KCNQ1: variants seen among roughly 807,000 people sequenced by gnomAD.
The protein encoded by KCNQ1 is potassium voltage-gated channel subfamily Q member 1, also known as potassium voltage-gated channel subfamily KQT member 1.
Under a neutral mutation model 72.4 loss-of-function variants are expected in KCNQ1, and 49 were observed. That is an observed-to-expected ratio of 0.68 (90% CI 0.54 to 0.86). The LOEUF is 0.86. Ranked by LOEUF, KCNQ1 falls within the 40% of genes least tolerant of loss-of-function variation. The pLI, the probability that KCNQ1 is intolerant of heterozygous loss-of-function variation, is 0.00. For missense variants in KCNQ1, 790 were observed against 945.1 expected (o/e 0.84, Z 2.15); for synonymous variants, 450 against 412.6 (o/e 1.09, Z -1.10).
At chr11:2,791,965 C>CA (rs1197006024) in intron 15 of KCNQ1, among the ~76,000 whole-genome samples, 1 of 152,226 alleles carries the variant, frequency 6.6e-6, no homozygotes, top group African/African-American at 2.4e-5. Flanking sequence ...GCCCGGGTTC[C>CA]GAGTGCTCCA....
In KCNQ1 at chr11:2,678,286, A is replaced by T. The variant is rs771142678; in HGVS notation, c.1514+16205A>T. ...TCTCATCCTGAAATTGTTTTAATAAATTCTTCCATGTTTTCTTCTATCATT... is the reference window on the plus strand; with the variant it reads ...TCTCATCCTGAAATTGTTTTAATAATTTCTTCCATGTTTTCTTCTATCATT... On this transcript the variant is annotated intron_variant, in intron 11 of 15. Coordinates refer to ENST00000155840, the MANE Select transcript of KCNQ1 (RefSeq NM_000218.3). The surrounding 1 kb of genome is among the most constrained non-coding windows in gnomAD (Gnocchi z 4.9). 3.8e-5 allele frequency: 15 copies of T among 398,248 alleles called. No homozygotes were observed. The highest frequency in any genetic ancestry group is 6.6e-5 in the Non-Finnish European group (15 of 225,988). 24.7% of individuals were successfully genotyped at this position (398,248 alleles called of 1,614,324 possible). A position where few individuals can be genotyped will look rare whatever the true frequency, so the allele number is the denominator to read the frequency against.
intron 10 of KCNQ1, chr11:2,629,383 T>A (rs1332771385): frequency 2.5e-6 from 1 of 398,432 alleles, no homozygotes; most frequent in African/African-American, 2.1e-5. Flanking sequence ...TTTCATATTA[T>A]ATCCAAATGA....
At chr11:2,666,027 A>G (rs1850060442) in intron 11 of KCNQ1, 3 of 398,518 alleles carry the variant, frequency 7.5e-6, no homozygotes, top group Non-Finnish European at 1.3e-5. Context: ...TTGGTTGCAC[A>G]TGGATACCTG....
rs1289259199 is a variant in KCNQ1 at position 2,725,782 on chromosome 11, C to T, written c.1515-43062C>T. 2.0e-5 allele frequency among the ~76,000 whole-genome samples: 3 copies of T among 147,228 alleles called. No homozygotes were observed. The highest frequency in any genetic ancestry group is 4.5e-5 in the Non-Finnish European group (3 of 66,092). On this transcript the variant is annotated intron_variant, in intron 11 of 15. Transcript: ENST00000155840. This position sits in a 1 kb window ranked among gnomAD's most constrained non-coding sequence, Gnocchi z 7.2. Reference sequence around the variant, plus strand: ...TGAAAGCTATCTCCCCCAGGCCCCACCCCCGCCCCCACCCAAAGCACAGGT... The same window carrying T: ...TGAAAGCTATCTCCCCCAGGCCCCATCCCCGCCCCCACCCAAAGCACAGGT...
At chr11:2,729,153 C>A (rs1277675417) in intron 11 of KCNQ1, among the ~76,000 whole-genome samples, 1 of 152,248 alleles carries the variant, frequency 6.6e-6, no homozygotes, top group Non-Finnish European at 1.5e-5. Context: ...AGGGTCCAGA[C>A]CTGTTGCCGA....
intron 10 of KCNQ1, among the ~76,000 whole-genome samples, chr11:2,590,301 A>T (rs1848653996): frequency 6.6e-6 from 1 of 152,232 alleles, no homozygotes; most frequent in African/African-American, 2.4e-5. Flanking sequence ...TGAGGCAGAC[A>T]TAGTAGTGAC....
chr11:2,448,346 C>T (rs1379375582), intron 1 of KCNQ1, among the ~76,000 whole-genome samples: 1 of 152,260 alleles, frequency 6.6e-6, no homozygotes, highest in African/African-American at 2.4e-5. Context: ...TCCCTGTTTC[C>T]CAAGAACTTT....
At chr11:2,587,396 G>A (rs1175080782) in intron 8 of KCNQ1, among the ~76,000 whole-genome samples, 174 bp from the exon 9 acceptor site, 2 of 152,196 alleles carry the variant, frequency 1.3e-5, no homozygotes, top group Non-Finnish European at 2.9e-5. Context: ...GGCTGCCTGG[G>A]CAGAGGGTCT....
Position 2,659,126 on chromosome 11 carries a change from T to A in KCNQ1, c.1394-2835T>A, listed in dbSNP as rs891085632. 5.0e-6 allele frequency: 2 copies of A among 398,644 alleles called. No individual in the cohort carries two copies. Among genetic ancestry groups the A allele is most frequent in the Admixed American group, 8.8e-5 (2 of 22,738 alleles). 24.7% of individuals were successfully genotyped at this position (398,644 alleles called of 1,614,324 possible). A position where few individuals can be genotyped will look rare whatever the true frequency, so the allele number is the denominator to read the frequency against. The stretch of plus-strand genomic sequence containing the variant: ...TCCGGGTTAATTTTTTAAATTTGCA[T>A]ACAGTAAAATCCACTCTTTGAGATT... On this transcript the variant is annotated intron_variant, in intron 10 of 15. Transcript: ENST00000155840. The surrounding 1 kb of genome is among the most constrained non-coding windows in gnomAD (Gnocchi z 4.3).
intron 8 of KCNQ1, among the ~76,000 whole-genome samples, chr11:2,587,149 C>T (rs1311893124): frequency 6.6e-6 from 1 of 152,214 alleles, no homozygotes; most frequent in African/African-American, 2.4e-5. Flanking sequence ...TGGGCGACCC[C>T]TCTTTCTCAG....
rs1846204568 is a variant in KCNQ1 at position 2,750,093 on chromosome 11, G to A, written c.1515-18751G>A. Among the ~76,000 whole-genome samples the A allele has an allele frequency of 6.6e-6, 1 of 152,228 alleles. No individual in the cohort carries two copies. The highest frequency in any genetic ancestry group is 1.5e-5 in the Non-Finnish European group (1 of 68,044). ...CAGGAAGCGGAGCCTGGGTGCAGGGGCATCTTGCTGGTGAAGCTGGGGAGA... is the reference window on the plus strand; with the variant it reads ...CAGGAAGCGGAGCCTGGGTGCAGGGACATCTTGCTGGTGAAGCTGGGGAGA... On this transcript the variant is annotated intron_variant, in intron 11 of 15. Coordinates refer to ENST00000155840, the MANE Select transcript of KCNQ1 (RefSeq NM_000218.3). The surrounding 1 kb of genome is among the most constrained non-coding windows in gnomAD (Gnocchi z 6.3).
chr11:2,740,983 A>G (rs1378844170), intron 11 of KCNQ1, among the ~76,000 whole-genome samples: 1 of 152,224 alleles, frequency 6.6e-6, no homozygotes, highest in Admixed American at 6.5e-5. Flanking sequence ...AAAGGAAATC[A>G]AGTGGCAAAG....
chr11:2,527,781 T>C (rs988678362), intron 1 of KCNQ1, 147 bp from the exon 2 acceptor site: 7 of 723,030 alleles, frequency 9.7e-6, no homozygotes, highest in Non-Finnish European at 1.7e-5. Flanking sequence ...TAGTGTGTGC[T>C]TACCAGCTAA....
chr11:2,699,617 G>GAACCACGCCGAAGAACCCCCGGGGAC (rs1564862544), intron 11 of KCNQ1: 11 of 355,908 alleles, frequency 3.1e-5, no homozygotes, highest in African/African-American at 1.9e-4. Flanking sequence ...CCCCCGGAGA[G>GAACCACGCCGAAGAACCCCCGGGGAC]AACCGCGCCG....
intron 1 of KCNQ1, among the ~76,000 whole-genome samples, chr11:2,469,086 G>C (rs1215135924): frequency 6.6e-6 from 1 of 152,114 alleles, no homozygotes; most frequent in East Asian, 1.9e-4. Context: ...GGTGTGGTCG[G>C]TCTTTAATTT....
At position 2,828,979 on chromosome 11, in the gene KCNQ1, A is replaced by G. The variant is rs922922631; in HGVS notation, c.1795-18788A>G. 6.6e-6 allele frequency among the ~76,000 whole-genome samples: 1 copy of G among 152,222 alleles called. No homozygotes were observed. Among genetic ancestry groups the G allele is most frequent in the Admixed American group, 6.5e-5 (1 of 15,282 alleles). ...ACATAGTAGAGAAATGCCTTCAAAC[A>G]TCTGAGGGAAAAAATGATTTCCCAT... On this transcript the variant is annotated intron_variant, in intron 15 of 15. Transcript: ENST00000155840. The surrounding 1 kb of genome is among the most constrained non-coding windows in gnomAD (Gnocchi z 5.3).
intron 1 of KCNQ1, among the ~76,000 whole-genome samples, chr11:2,456,777 A>C (rs1231514650): frequency 5.0e-5 from 7 of 139,078 alleles, no homozygotes; most frequent in Non-Finnish European, 7.6e-5. Flanking sequence ...AAAAAAAAAA[A>C]AAAAAAAAAA....
chr11:2,682,215 C>A lies in KCNQ1; in HGVS notation c.1514+20134C>A. ...CTTCCCCAGGCCAGGACTGTCTTAT[C>A]CTGTGGTTCTTAGCTGAAATGTCCC... On this transcript the variant is annotated intron_variant, in intron 11 of 15. Coordinates refer to ENST00000155840, the MANE Select transcript of KCNQ1 (RefSeq NM_000218.3). This position sits in a 1 kb window ranked among gnomAD's most constrained non-coding sequence, Gnocchi z 5.8. The A allele has an allele frequency of 2.5e-6, 1 of 398,554 alleles. No individual in the cohort carries two copies. Among genetic ancestry groups the A allele is most frequent in the East Asian group, 3.6e-5 (1 of 28,072 alleles). The allele number at this position is 398,554 out of a possible 1,614,324, so 24.7% of individuals were successfully genotyped here. A position where few individuals can be genotyped will look rare whatever the true frequency, so the allele number is the denominator to read the frequency against.
chr11:2,456,798 G>T (rs2133575232), intron 1 of KCNQ1, among the ~76,000 whole-genome samples: 1 of 145,668 alleles, frequency 6.9e-6, no homozygotes, highest in East Asian at 2.0e-4. Flanking sequence ...AATTAGCCGG[G>T]CGTGGGGGTG....
Sources: gnomAD v4.1 joint callset for allele counts (sites outside exome capture counted in the v4.1 genomes callset) on GRCh38, gnomAD v4.1.1 for gene constraint, Gnocchi (gnomAD v3.1) non-coding constraint, MANE v1.5 for transcripts, NCBI Gene and HGNC (gene_info 2026-07-23, HGNC 2026-07-21) for gene names.